Variants in TMEM132D observed in about 807,000 individuals in gnomAD.
TMEM132D encodes mature OL transmembrane protein.
TMEM132D carries 21 observed loss-of-function variants against 62.3 expected under a neutral mutation model. The observed-to-expected ratio is 0.34, with a 90% CI of 0.24 to 0.49. The LOEUF is 0.49. Among genes scored for constraint, TMEM132D ranks in the 20% least tolerant of loss-of-function variants. The pLI is 0.99. For missense variants in TMEM132D, 1,346 were observed against 1,402.8 expected (o/e 0.96, Z 0.65); for synonymous variants, 621 against 575.6 (o/e 1.08, Z -1.13).
At chr12:129,664,451 G>A (rs1284767436) in intron 2 of TMEM132D, among the ~76,000 whole-genome samples, 1 of 109,460 alleles carries the variant, frequency 9.1e-6, no homozygotes, top group African/African-American at 3.4e-5. Flanking sequence ...TTGAGACAGA[G>A]TCTTGCTTTG....
chr12:129,887,114 G>A (rs1011809217), intron 1 of TMEM132D, among the ~76,000 whole-genome samples: 9 of 152,116 alleles, frequency 5.9e-5, no homozygotes, highest in African/African-American at 2.2e-4. Flanking sequence ...TGAGTATAGA[G>A]AACTATTTCT....
intron 4 of TMEM132D, among the ~76,000 whole-genome samples, chr12:129,226,416 G>A (rs1034126073): frequency 5.3e-5 from 8 of 152,186 alleles, no homozygotes; most frequent in Non-Finnish European, 1.0e-4. Flanking sequence ...GGCATCTCAA[G>A]GGACAGGAAG....
At chr12:129,077,274 G>A (rs1366539543) in intron 8 of TMEM132D, among the ~76,000 whole-genome samples, 1 of 152,090 alleles carries the variant, frequency 6.6e-6, no homozygotes, top group East Asian at 1.9e-4. Flanking sequence ...GCGCAGAAAA[G>A]GCTCCTGATC....
chr12:129,528,137 C>G (rs10847893), intron 3 of TMEM132D, among the ~76,000 whole-genome samples: 101,663 of 151,992 alleles, frequency 0.67, 34,481 homozygotes, highest in African/African-American at 0.78. Flanking sequence ...AAGAGGGTAG[C>G]AGGAAATTAT....
intron 2 of TMEM132D, among the ~76,000 whole-genome samples, chr12:129,629,938 G>A (rs1879312607): frequency 6.6e-6 from 1 of 152,186 alleles, no homozygotes. Context: ...AGATCAAGAT[G>A]TGCTTCTGTT....
At chr12:129,588,629 C>T (rs1878097197) in intron 2 of TMEM132D, among the ~76,000 whole-genome samples, 2 of 151,744 alleles carry the variant, frequency 1.3e-5, no homozygotes, top group African/African-American at 4.8e-5. Context: ...GGCTGGAGTG[C>T]AGTGGCGCCA....
At chr12:129,480,650 A>G (rs1431551179) in intron 3 of TMEM132D, among the ~76,000 whole-genome samples, 4 of 152,178 alleles carry the variant, frequency 2.6e-5, no homozygotes, top group Admixed American at 6.5e-5. Flanking sequence ...CATCTTCCTT[A>G]GGGACGGTTG....
At position 129,883,593 on chromosome 12, in the gene TMEM132D, A is replaced by G. The variant is rs546710798; in HGVS notation, c.79+19668T>C. Among the ~76,000 whole-genome samples the G allele has an allele frequency of 1.2e-3, 177 of 152,332 alleles. 3 individuals carry two copies. The South Asian group carries it at 0.035, about 30-fold the overall frequency. On this transcript the variant is annotated intron_variant, in intron 1 of 8. Coordinates refer to ENST00000422113, the MANE Select transcript of TMEM132D (RefSeq NM_133448.3). ...TCAAAAGATTTAGAATAGACAAAAC[A>G]TTTCTGAATAAGAATAAAGTTAAAA...
chr12:129,263,349 A>G (rs897973783), intron 4 of TMEM132D, among the ~76,000 whole-genome samples: 2 of 152,196 alleles, frequency 1.3e-5, no homozygotes, highest in African/African-American at 4.8e-5. Context: ...AATAAGGTTG[A>G]CAATGTTCTA....
intron 4 of TMEM132D, among the ~76,000 whole-genome samples, chr12:129,243,602 T>C (rs1389822785): frequency 6.6e-6 from 1 of 152,198 alleles, no homozygotes; most frequent in East Asian, 1.9e-4. Flanking sequence ...TGGAAACAGT[T>C]TGGCCTTTGG....
intron 8 of TMEM132D, 73 bp downstream of exon 8, chr12:129,078,461 G>A (rs1009263209): frequency 6.9e-5 from 102 of 1,486,204 alleles, no homozygotes; most frequent in East Asian, 3.6e-4. Flanking sequence ...CCCGCCTGGC[G>A]TGGTGCCTGC....
intron 3 of TMEM132D, among the ~76,000 whole-genome samples, chr12:129,401,433 G>C (rs1420082624): frequency 3.3e-5 from 5 of 152,108 alleles, no homozygotes; most frequent in African/African-American, 1.2e-4. Context: ...GCTGAGCATG[G>C]TGGCATGAGC....
At chr12:129,440,775 G>C (rs61132718) in intron 3 of TMEM132D, among the ~76,000 whole-genome samples, 7,488 of 151,704 alleles carry the variant, frequency 0.049, 612 homozygotes, top group African/African-American at 0.17. Flanking sequence ...AGGATGTATA[G>C]AGAGTTCTAC....
At chr12:129,663,150 T>C (rs80003482) in intron 2 of TMEM132D, among the ~76,000 whole-genome samples, 2 of 151,992 alleles carry the variant, frequency 1.3e-5, no homozygotes, top group African/African-American at 2.4e-5. Context: ...TTTTTTTTTT[T>C]CCTTTTGAGA....
chr12:129,103,092 A>G (rs1875368828), intron 5 of TMEM132D, among the ~76,000 whole-genome samples: 1 of 152,102 alleles, frequency 6.6e-6, no homozygotes, highest in Non-Finnish European at 1.5e-5. Flanking sequence ...CTGTTTTGTG[A>G]CCCTACAAAA....
intron 2 of TMEM132D, among the ~76,000 whole-genome samples, chr12:129,549,911 G>T (rs575805055): frequency 6.6e-6 from 1 of 152,332 alleles, no homozygotes; most frequent in South Asian, 2.1e-4. Flanking sequence ...ATGTGTGAGG[G>T]AAGTAAACAT....
chr12:129,552,761 C>G (rs1292734188), intron 2 of TMEM132D, among the ~76,000 whole-genome samples: 1 of 152,140 alleles, frequency 6.6e-6, no homozygotes, highest in Admixed American at 6.5e-5. Context: ...TACCTATCTA[C>G]CTAGCATCTA....
Position 129,147,314 on chromosome 12 carries a change from A to G in TMEM132D, c.1443+62206T>C, listed in dbSNP as rs528683368. Reference sequence around the variant, plus strand: ...CATATGTATATATATACATATGTGTATATGTATATATATACATATATATTT... The same window carrying G: ...CATATGTATATATATACATATGTGTGTATGTATATATATACATATATATTT... On this transcript the variant is annotated intron_variant, in intron 5 of 8. Transcript: ENST00000422113. Among the ~76,000 whole-genome samples the G allele has an allele frequency of 2.9e-4, 44 of 150,590 alleles. 1 individual carries two copies. The South Asian group carries it at 8.6e-3, about 29-fold the overall frequency.
intron 4 of TMEM132D, among the ~76,000 whole-genome samples, chr12:129,328,476 T>C (rs979497945): frequency 1.3e-5 from 2 of 152,236 alleles, no homozygotes; most frequent in African/African-American, 4.8e-5. Context: ...ATAACTCTTC[T>C]GCATTTGTTT....
Sources: gnomAD v4.1 joint callset for allele counts (sites outside exome capture counted in the v4.1 genomes callset) on GRCh38, gnomAD v4.1.1 for gene constraint, MANE v1.5 for transcripts, NCBI Gene and HGNC (gene_info 2026-07-23, HGNC 2026-07-21) for gene names.